KALRN: variants seen among roughly 807,000 people sequenced by gnomAD.
KALRN encodes kalirin.
In KALRN, 70 loss-of-function variants were observed where a neutral mutation model predicts 353.7. The ratio of observed to expected loss-of-function variants is 0.20; its 90% CI spans 0.16 to 0.24. The LOEUF (loss-of-function observed/expected upper bound fraction) is 0.24. Ranked by LOEUF, KALRN falls within the 10% of genes least tolerant of loss-of-function variation. KALRN has a pLI of 1.00. For synonymous variants in KALRN, 1,391 were observed against 1,434.8 expected, an observed-to-expected ratio of 0.97 and a Z score of 0.69; for missense variants, 2,791 against 3,756.7, an observed-to-expected ratio of 0.74 and a Z score of 6.72.
intron 3 of KALRN, among the ~76,000 whole-genome samples, chr3:124,258,811 C>T (rs2072428936): frequency 6.6e-6 from 1 of 152,238 alleles, no homozygotes; most frequent in Admixed American, 6.5e-5. Flanking sequence ...GCTGGTTTCA[C>T]ATTGGCAGAT....
chr3:124,468,786 G>A (rs1208519256), intron 25 of KALRN, among the ~76,000 whole-genome samples: 1 of 152,204 alleles, frequency 6.6e-6, no homozygotes, highest in Non-Finnish European at 1.5e-5. Context: ...AAGGCCTGTT[G>A]TGATTTTTCT....
Position 124,438,966 on chromosome 3 carries a change from C to T in KALRN, c.3127C>T (p.Pro1043Ser), listed in dbSNP as rs987462182. 1.4e-5 allele frequency: 23 copies of T among 1,613,894 alleles called. No homozygotes were observed. In the Admixed American group the frequency reaches 3.2e-4, roughly 22 times the overall value. ...GTGTGGTGGACGAGATAAGCTGGGGCCAGCAGCAGAGATCGACCATGTCAT... is the reference window on the plus strand; with the variant it reads ...GTGTGGTGGACGAGATAAGCTGGGGTCAGCAGCAGAGATCGACCATGTCAT... ...DWCGGRDKLG[P>S]AAEIDHVIPL... The change falls in exon 18 of 60, where the codon CCA becomes TCA. Residue 1043 changes from proline (P) to serine (S), a missense_variant. Around this residue, in one of 11 missense-constraint regions of KALRN, gnomAD observed 452 missense variants for 575.8 expected, o/e 0.78. Coordinates refer to ENST00000682506, the MANE Select transcript of KALRN (RefSeq NM_001388419.1).
chr3:124,261,013 A>G (rs1294018833), intron 3 of KALRN, among the ~76,000 whole-genome samples: 1 of 151,422 alleles, frequency 6.6e-6, no homozygotes, highest in African/African-American at 2.4e-5. Flanking sequence ...GTGGTGGGTT[A>G]TAGTATGATA....
chr3:124,671,642 C>T lies in KALRN; in HGVS notation c.6704-18C>T, dbSNP rs1489209791. 1.3e-6 allele frequency: 2 copies of T among 1,575,230 alleles called. No individual in the cohort carries two copies. The highest frequency in any genetic ancestry group is 1.7e-6 in the Non-Finnish European group (2 of 1,144,840). On this transcript the variant is annotated intron_variant, in intron 47 of 59. Coordinates refer to ENST00000682506, the MANE Select transcript of KALRN (RefSeq NM_001388419.1). ...GGATTCCCAAAGCTTAGAGTAACCA[C>T]CTGCTCTTATCCCACAGCACTGCAA...
intron 3 of KALRN, among the ~76,000 whole-genome samples, chr3:124,244,178 G>A (rs1480795630): frequency 6.6e-6 from 1 of 152,120 alleles, no homozygotes; most frequent in Non-Finnish European, 1.5e-5. Context: ...TAAAGCTCTT[G>A]TAACTGCACC....
intron 1 of KALRN, among the ~76,000 whole-genome samples, chr3:124,137,206 T>G (rs1315399655): frequency 6.6e-6 from 1 of 152,128 alleles, no homozygotes; most frequent in African/African-American, 2.4e-5. Context: ...AAAACAAATA[T>G]TTACTTACGT....
intron 1 of KALRN, among the ~76,000 whole-genome samples, chr3:124,071,954 GT>G (rs1405052480): frequency 6.6e-6 from 1 of 152,214 alleles, no homozygotes; most frequent in Non-Finnish European, 1.5e-5. Context: ...AGGCACATCA[GT>G]TCTTGAGTCA....
intron 1 of KALRN, among the ~76,000 whole-genome samples, chr3:124,079,378 A>G (rs2060422731): frequency 6.6e-6 from 1 of 152,236 alleles, no homozygotes; most frequent in Non-Finnish European, 1.5e-5. Flanking sequence ...ATTATGAATG[A>G]TACTTACATG....
chr3:124,200,208 T>A, intron 1 of KALRN, among the ~76,000 whole-genome samples: 1 of 152,180 alleles, frequency 6.6e-6, no homozygotes, highest in East Asian at 1.9e-4. Context: ...CGTGGAATAT[T>A]TGGTAAGTAA....
chr3:124,045,344 G>C (rs1396453537), intron 1 of KALRN, among the ~76,000 whole-genome samples: 3 of 152,194 alleles, frequency 2.0e-5, no homozygotes, highest in African/African-American at 7.2e-5. Flanking sequence ...AAACACCATA[G>C]GGAGTAATGT....
rs1295429945 is a variant in KALRN at position 124,493,293 on chromosome 3, C to A, written c.4832+411C>A. ...GAACTCTCTGGACTGGTTGGATAGT[C>A]AAAGGGCTTTGTGTACTGTAATGTG... On this transcript the variant is annotated intron_variant, in intron 32 of 59. Transcript: ENST00000682506. 8.5e-5 allele frequency among the ~76,000 whole-genome samples: 13 copies of A among 152,156 alleles called. 1 individual carries two copies.
chr3:124,306,710 C>T (rs1400822349), intron 6 of KALRN, among the ~76,000 whole-genome samples: 3 of 152,046 alleles, frequency 2.0e-5, no homozygotes, highest in African/African-American at 7.2e-5. Flanking sequence ...TGGCAAAATA[C>T]TGAAAGCCAA....
chr3:124,678,823 A>T (rs576291937), intron 50 of KALRN, among the ~76,000 whole-genome samples: 1 of 152,324 alleles, frequency 6.6e-6, no homozygotes, highest in African/African-American at 2.4e-5. Context: ...GCATGGACAC[A>T]GTAGGGGGGC....
intron 59 of KALRN, among the ~76,000 whole-genome samples, chr3:124,717,675 G>A (rs377626793): frequency 2.0e-5 from 3 of 151,898 alleles, no homozygotes; most frequent in East Asian, 1.9e-4. Flanking sequence ...TAGCCTGGGC[G>A]ACAGAGCGAG....
intron 34 of KALRN, among the ~76,000 whole-genome samples, chr3:124,566,633 C>G (rs1015981111): frequency 3.3e-5 from 5 of 152,228 alleles, no homozygotes; most frequent in African/African-American, 1.2e-4. Context: ...CCCTGTCTCT[C>G]TGGGGTCTGC....
At chr3:124,714,296 G>C (rs1050701695) in intron 58 of KALRN, among the ~76,000 whole-genome samples, 9 of 152,158 alleles carry the variant, frequency 5.9e-5, no homozygotes, top group Admixed American at 2.6e-4. Flanking sequence ...GACAACATCT[G>C]TGCTTGTGTT....
intron 51 of KALRN, 126 bp from the exon 52 acceptor site, chr3:124,693,677 TG>T (rs2061927632): frequency 1.8e-6 from 1 of 567,064 alleles, no homozygotes; most frequent in Admixed American, 3.5e-5. Flanking sequence ...CACAACACAG[TG>T]GGAAGTTGGG....
rs773304128 is a variant in KALRN, at chr3:124,671,725, G to T, written c.6769G>T (p.Ala2257Ser). 1 of 1,614,128 alleles carries T rather than the reference G, an allele frequency of 6.2e-7. No individual in the cohort carries two copies. Among genetic ancestry groups the T allele is most frequent in the East Asian group, 2.2e-5 (1 of 44,870 alleles). The part of the protein sequence containing the change: ...RSTAVMRSQP[A>S]RLPQASPRPY... ...CACAGCTGTGATGAGGTCTCAACCTGCCAGGCTTCCCCAAGCCAGCCCCAG... is the reference window on the plus strand; with the variant it reads ...CACAGCTGTGATGAGGTCTCAACCTTCCAGGCTTCCCCAAGCCAGCCCCAG... Residue 2257 changes from alanine (A) to serine (S), a missense_variant, in exon 48 of 60, where the codon GCC (alanine) becomes TCC (serine). This residue lies in a region of KALRN where 1,065 missense variants were observed against 1,156.4 expected (regional missense o/e 0.92). Coordinates refer to ENST00000682506, the MANE Select transcript of KALRN (RefSeq NM_001388419.1).
intron 34 of KALRN, among the ~76,000 whole-genome samples, chr3:124,630,710 T>C (rs2080673887): frequency 6.6e-6 from 1 of 152,164 alleles, no homozygotes; most frequent in African/African-American, 2.4e-5. Flanking sequence ...ACCTACCTCA[T>C]AGAGTTATAC....
Sources: gnomAD v4.1 joint callset for allele counts (sites outside exome capture counted in the v4.1 genomes callset) on GRCh38, gnomAD v4.1.1 for gene constraint, gnomAD v4.1.1 regional missense constraint, MANE v1.5 for transcripts, NCBI Gene and HGNC (gene_info 2026-07-23, HGNC 2026-07-21) for gene names.